TANGO6: variants seen among roughly 807,000 people sequenced by gnomAD.
TANGO6 encodes the protein transport and Golgi organization protein 6 homolog.
A neutral mutation model predicts 114.2 loss-of-function variants in TANGO6; 90 were observed. The ratio of observed to expected loss-of-function variants is 0.79; its 90% CI spans 0.66 to 0.94. TANGO6 has a LOEUF of 0.94. TANGO6 is among the 40% of genes least tolerant of loss of function. The pLI is 0.00. For missense variants in TANGO6, 1,274 were observed against 1,315.3 expected (o/e 0.97, Z 0.49); for synonymous variants, 477 against 509.8 (o/e 0.94, Z 0.87).
At chr16:68,854,975 A>G (rs1961961297) in intron 1 of TANGO6, among the ~76,000 whole-genome samples, 1 of 151,208 alleles carries the variant, frequency 6.6e-6, no homozygotes, top group South Asian at 2.1e-4. Flanking sequence ...CGTTGACTTT[A>G]TAGATCAATT....
chr16:69,053,417 T>G (rs1959985574), intron 17 of TANGO6, among the ~76,000 whole-genome samples: 1 of 152,196 alleles, frequency 6.6e-6, no homozygotes, highest in South Asian at 2.1e-4. Context: ...ATGTTTCATG[T>G]TTACATCTGT....
At chr16:68,962,287 T>A (rs1963600651) in intron 14 of TANGO6, among the ~76,000 whole-genome samples, 1 of 152,214 alleles carries the variant, frequency 6.6e-6, no homozygotes. Context: ...TTTCCTTCTC[T>A]TTAGAGTTCT....
At chr16:68,914,230 C>T (rs778652537) in intron 11 of TANGO6, among the ~76,000 whole-genome samples, 10 of 152,196 alleles carry the variant, frequency 6.6e-5, no homozygotes, top group Non-Finnish European at 1.2e-4. Flanking sequence ...GGCGTGATCT[C>T]GGCTTACCGC....
chr16:69,053,756 G>T (rs528908305), intron 17 of TANGO6, among the ~76,000 whole-genome samples: 1 of 152,134 alleles, frequency 6.6e-6, no homozygotes, highest in African/African-American at 2.4e-5. Flanking sequence ...TTCTTGGGGG[G>T]CTTGGCAGAA....
intron 17 of TANGO6, among the ~76,000 whole-genome samples, chr16:69,081,573 T>C (rs894405331): frequency 6.6e-6 from 1 of 151,760 alleles, no homozygotes; most frequent in Non-Finnish European, 1.5e-5. Context: ...ACTCCTGACC[T>C]CAAATGATCC....
intron 14 of TANGO6, among the ~76,000 whole-genome samples, chr16:68,957,153 G>A (rs1221836818): frequency 1.3e-5 from 2 of 151,812 alleles, no homozygotes; most frequent in Admixed American, 6.6e-5. Context: ...TTTTATGTGT[G>A]TATGCATGCA....
At chr16:69,037,566 A>G (rs1278842897) in intron 16 of TANGO6, among the ~76,000 whole-genome samples, 2 of 152,230 alleles carry the variant, frequency 1.3e-5, no homozygotes, top group Non-Finnish European at 1.5e-5. Flanking sequence ...CCTTGTAAAT[A>G]CTAAGCCTGA....
At chr16:68,974,209 A>C in intron 15 of TANGO6, 41 bp downstream of exon 15, 1 of 1,612,876 alleles carries the variant, frequency 6.2e-7, no homozygotes, top group Non-Finnish European at 8.5e-7. Flanking sequence ...AGGGTGGAGG[A>C]TCAGTGTGAC....
intron 14 of TANGO6, among the ~76,000 whole-genome samples, chr16:68,965,702 G>A (rs1458581667): frequency 1.3e-5 from 2 of 152,014 alleles, no homozygotes; most frequent in African/African-American, 2.4e-5. Flanking sequence ...TCTGGAGGCT[G>A]AGGCAGGAAG....
intron 14 of TANGO6, among the ~76,000 whole-genome samples, chr16:68,948,970 T>G (rs1450900347): frequency 6.6e-6 from 1 of 151,578 alleles, no homozygotes; most frequent in African/African-American, 2.4e-5. Context: ...GCGGATCACC[T>G]GAGGTCGGGA....
chr16:68,963,224 C>T (rs150699501), intron 14 of TANGO6, among the ~76,000 whole-genome samples: 1,939 of 151,980 alleles, frequency 0.013, 21 homozygotes, highest in Non-Finnish European at 0.018. Flanking sequence ...CAGGTTCAAG[C>T]GATCCTCCCA....
At chr16:68,876,417 T>A (rs907637549) in intron 5 of TANGO6, among the ~76,000 whole-genome samples, 9 of 152,180 alleles carry the variant, frequency 5.9e-5, no homozygotes, top group African/African-American at 2.2e-4. Context: ...TGCCTCGGCC[T>A]CCCGAAGTGC....
intron 15 of TANGO6, among the ~76,000 whole-genome samples, chr16:68,978,925 ATT>A (rs58270481): frequency 1.9e-4 from 25 of 134,614 alleles, no homozygotes; most frequent in Admixed American, 3.1e-4. Flanking sequence ...AAAGTATATG[ATT>A]TTTTTTTTTT....
intron 14 of TANGO6, among the ~76,000 whole-genome samples, chr16:68,952,937 AC>A (rs1963484580): frequency 6.6e-6 from 1 of 152,018 alleles, no homozygotes; most frequent in Non-Finnish European, 1.5e-5. Flanking sequence ...ACTATTGATA[AC>A]CTTTAAATAG....
chr16:69,021,891 T>C (rs1219414759), intron 15 of TANGO6, among the ~76,000 whole-genome samples: 1 of 150,430 alleles, frequency 6.6e-6, no homozygotes, highest in Non-Finnish European at 1.5e-5. Flanking sequence ...TTTTTCTTTT[T>C]TTTTTTTTTT....
chr16:68,862,204 G>A (rs922360266), intron 2 of TANGO6, among the ~76,000 whole-genome samples: 2 of 151,480 alleles, frequency 1.3e-5, no homozygotes, highest in Non-Finnish European at 2.9e-5. Flanking sequence ...TATCCAGCTT[G>A]CTTACTTACT....
At chr16:69,007,354 C>T (rs1022191159) in intron 15 of TANGO6, among the ~76,000 whole-genome samples, 1 of 149,000 alleles carries the variant, frequency 6.7e-6, no homozygotes, top group Non-Finnish European at 1.5e-5. Context: ...ACTGCAACCT[C>T]TGCCTCCTGG....
At chr16:68,981,958 C>T (rs954476420) in intron 15 of TANGO6, among the ~76,000 whole-genome samples, 9 of 152,180 alleles carry the variant, frequency 5.9e-5, no homozygotes, top group African/African-American at 2.2e-4. Flanking sequence ...GATACTCAAC[C>T]TATGTCTTCT....
intron 15 of TANGO6, among the ~76,000 whole-genome samples, chr16:68,974,390 G>A (rs1011486317): frequency 2.6e-5 from 4 of 152,084 alleles, no homozygotes; most frequent in African/African-American, 4.8e-5. Flanking sequence ...CGCCAGGTGC[G>A]GTGGCTCCTG....
Sources: allele counts gnomAD v4.1 joint callset (sites outside exome capture counted in the v4.1 genomes callset), GRCh38; gene constraint gnomAD v4.1.1; transcripts MANE v1.5; gene names NCBI Gene and HGNC (gene_info 2026-07-23, HGNC 2026-07-21).